Variants in XDH observed in about 807,000 individuals in gnomAD.
XDH encodes xanthine dehydrogenase.
In XDH, 138 loss-of-function variants were observed where a neutral mutation model predicts 156.1. That is an observed-to-expected ratio of 0.88 (90% confidence interval 0.77 to 1.02). XDH has a LOEUF of 1.02. XDH is among the 50% of genes least tolerant of loss of function. XDH has a pLI of 0.00. For synonymous variants in XDH, 669 were observed against 625.7 expected (o/e 1.07, Z -1.03); for missense variants, 1,849 against 1,684.9 (o/e 1.10, Z -1.71).
chr2:31,366,006 A>G lies in XDH; in HGVS notation c.2426T>C (p.Val809Ala), dbSNP rs746690860. ...TGCAGCCAGGGCCACTGCCGTGGAC[A>G]CCACAGTGCTCCGGGTCTCCTTGCC... Reference protein sequence around the residue: ...FGGKETRSTVVSTAVALAAYK... With the variant: ...FGGKETRSTVASTAVALAAYK... Residue 809 changes from valine to alanine, a missense_variant, in exon 22 of 36, where the codon GTG (valine) becomes GCG (alanine). Transcript: ENST00000379416. 2 of 1,614,062 alleles carry G rather than the reference A, an allele frequency of 1.2e-6. No individual in the cohort carries two copies. Among genetic ancestry groups the G allele is most frequent in the African/African-American group, 1.3e-5 (1 of 74,916 alleles).
intron 4 of XDH, 56 bp downstream of exon 4, chr2:31,401,164 T>C: frequency 6.3e-7 from 1 of 1,597,874 alleles, no homozygotes; most frequent in Non-Finnish European, 8.6e-7. Flanking sequence ...GGCATGAGCC[T>C]CCCTGCAGAG....
chr2:31,346,438 C>T (rs1456167947), intron 30 of XDH, among the ~76,000 whole-genome samples: 2 of 152,108 alleles, frequency 1.3e-5, no homozygotes, highest in East Asian at 1.9e-4. Flanking sequence ...GGAGCAGACC[C>T]ACTGAGTCAA....
intron 28 of XDH, among the ~76,000 whole-genome samples, chr2:31,348,001 G>T (rs556124480): frequency 1.3e-5 from 2 of 152,174 alleles, no homozygotes; most frequent in Non-Finnish European, 2.9e-5. Flanking sequence ...GGAAACTCGC[G>T]ACCTTTACAC....
intron 11 of XDH, among the ~76,000 whole-genome samples, chr2:31,381,976 T>A (rs961763322): frequency 1.6e-4 from 24 of 152,282 alleles, no homozygotes; most frequent in African/African-American, 5.5e-4. Context: ...TTTAAGTGTG[T>A]GTGTTTGATT....
intron 6 of XDH, among the ~76,000 whole-genome samples, chr2:31,389,173 T>C (rs1392010497): frequency 6.6e-6 from 1 of 152,250 alleles, no homozygotes; most frequent in East Asian, 1.9e-4. Context: ...GGAGCAGTCC[T>C]TCTGCAAGTC....
chr2:31,385,575 C>G (rs1686566862), intron 9 of XDH, among the ~76,000 whole-genome samples: 1 of 152,284 alleles, frequency 6.6e-6, no homozygotes, highest in South Asian at 2.1e-4. Flanking sequence ...CCCACGGTCT[C>G]CTCCTTAGAT....
intron 9 of XDH, 111 bp downstream of exon 9, chr2:31,386,303 G>T: frequency 6.9e-7 from 1 of 1,447,428 alleles, no homozygotes; most frequent in South Asian, 1.2e-5. Context: ...GTGGGGCAGA[G>T]GGATAGGGTG....
In XDH at chr2:31,387,878, A is replaced by G; in HGVS notation, c.584T>C (p.Leu195Ser). 1.3e-6 allele frequency: 2 copies of G among 1,584,822 alleles called. No individual in the cohort carries two copies. The highest frequency in any genetic ancestry group is 1.2e-5 in the South Asian group (1 of 86,182). Residue 195 changes from leucine to serine, a missense_variant, in exon 8 of 36, where the codon TTA (leucine) becomes TCA (serine). Physicochemically the swap from Leu to Ser is moderately radical, Grantham distance 145 (BLOSUM62 -2). Transcript: ENST00000379416. ...GGGCGTGAACTCCTCTGGTTTGAAT[A>G]AAGATGGCGAGAGGCTGACCTATGG... Reference protein sequence around the residue: ...KDHSVSLSPSLFKPEEFTPLD... With the variant: ...KDHSVSLSPSSFKPEEFTPLD...
At chr2:31,412,884 T>C (rs1687379768) in intron 1 of XDH, among the ~76,000 whole-genome samples, 1 of 152,178 alleles carries the variant, frequency 6.6e-6, no homozygotes, top group East Asian at 1.9e-4. Flanking sequence ...ATTACAAACA[T>C]GGATATTCAT....
chr2:31,372,410 G>C lies in XDH; in HGVS notation c.1687-13C>G. 3.7e-6 allele frequency: 6 copies of C among 1,613,890 alleles called. No homozygotes were observed. The highest frequency in any genetic ancestry group is 5.1e-6 in the Non-Finnish European group (6 of 1,180,012). ...CCTTGGGCACCTCCTGGAATGACAG[G>C]GTCATCAATCAGGGTGAGCTGCCAA... On this transcript the variant is annotated splice_polypyrimidine_tract_variant and intron_variant, in intron 16 of 35. Transcript: ENST00000379416.
intron 21 of XDH, 143 bp downstream of exon 21, chr2:31,366,727 G>T: frequency 7.6e-7 from 1 of 1,314,582 alleles, no homozygotes; most frequent in Non-Finnish European, 1.1e-6. Flanking sequence ...TGGTGAAAGA[G>T]TCTGGCTCCA....
intron 20 of XDH, among the ~76,000 whole-genome samples, chr2:31,367,360 A>G (rs746026904): frequency 6.6e-6 from 1 of 152,224 alleles, no homozygotes; most frequent in Non-Finnish European, 1.5e-5. Flanking sequence ...AAACCAGCGC[A>G]TGTTCCCGAA....
rs1374877694 is a variant in XDH, at chr2:31,405,984, A to G, written c.43-20T>C. Reference sequence around the variant, plus strand: ...CACCACCTATTAAAATAAATGAAAGAAAAATATATCATAGGTATACTTAGT... The same window carrying G: ...CACCACCTATTAAAATAAATGAAAGGAAAATATATCATAGGTATACTTAGT... On this transcript the variant is annotated intron_variant, in intron 1 of 35. Coordinates refer to ENST00000379416, the MANE Select transcript of XDH (RefSeq NM_000379.4). 1.2e-6 allele frequency: 2 copies of G among 1,612,756 alleles called. No homozygotes were observed. Among genetic ancestry groups the G allele is most frequent in the Admixed American group, 3.3e-5 (2 of 60,012 alleles).
chr2:31,391,543 T>G (rs756803149), intron 6 of XDH, among the ~76,000 whole-genome samples: 6 of 152,220 alleles, frequency 3.9e-5, no homozygotes, highest in Non-Finnish European at 8.8e-5. Flanking sequence ...ACAAAATAAT[T>G]TACTGGGATT....
chr2:31,351,519 A>T (rs1290431318), intron 24 of XDH, among the ~76,000 whole-genome samples: 1 of 152,156 alleles, frequency 6.6e-6, no homozygotes, highest in African/African-American at 2.4e-5. Context: ...TTAAATCTTA[A>T]ATCCCCCAGT....
chr2:31,354,743 T>C (rs1478154253), intron 24 of XDH, among the ~76,000 whole-genome samples: 1 of 152,052 alleles, frequency 6.6e-6, no homozygotes, highest in East Asian at 1.9e-4. Flanking sequence ...CTGAACTATA[T>C]TGAGAATATG....
At chr2:31,356,752 C>T (rs1324147766) in intron 24 of XDH, among the ~76,000 whole-genome samples, 1 of 152,210 alleles carries the variant, frequency 6.6e-6, no homozygotes, top group East Asian at 1.9e-4. Context: ...AAAACTAATA[C>T]ACAGCCATCA....
intron 3 of XDH, among the ~76,000 whole-genome samples, chr2:31,402,052 G>A (rs537377446): frequency 4.6e-5 from 7 of 152,252 alleles, no homozygotes; most frequent in African/African-American, 1.7e-4. Context: ...AAGGAGACCA[G>A]GCCTGAAGAC....
At chr2:31,379,691 T>C (rs1328824764) in intron 13 of XDH, among the ~76,000 whole-genome samples, 176 bp downstream of exon 13, 3 of 152,170 alleles carry the variant, frequency 2.0e-5, no homozygotes, top group Admixed American at 6.5e-5. Context: ...CAACTTCTCA[T>C]TGTCCAGAAA....
Sources: gnomAD v4.1 joint callset for allele counts (sites outside exome capture counted in the v4.1 genomes callset) on GRCh38, gnomAD v4.1.1 for gene constraint, MANE v1.5 for transcripts, NCBI Gene and HGNC (gene_info 2026-07-23, HGNC 2026-07-21) for gene names.